SRSF11: variants seen among roughly 807,000 people sequenced by gnomAD.
SRSF11 encodes the protein serine/arginine-rich splicing factor 11.
Under a neutral mutation model 56.0 loss-of-function variants are expected in SRSF11, and 9 were observed. That is an observed-to-expected ratio of 0.16 (90% CI 0.10 to 0.28). The LOEUF is 0.28. SRSF11 is among the 10% of genes least tolerant of loss of function. The probability of loss-of-function intolerance (pLI) is 1.00; values close to 1 mark genes in which losing one functional copy is unlikely to be tolerated. For synonymous variants in SRSF11, 222 were observed against 215.3 expected, an observed-to-expected ratio of 1.03 and a Z score of -0.27; for missense variants, 421 against 600.7, an observed-to-expected ratio of 0.70 and a Z score of 3.13.
At chr1:70,229,285 C>T in intron 2 of SRSF11, 1 of 1,288,368 alleles carries the variant, frequency 7.8e-7, no homozygotes, top group Non-Finnish European at 1.0e-6. Flanking sequence ...GGATTCTAGA[C>T]ATTAACTAAA....
chr1:70,212,044 A>C (rs1669602499), intron 1 of SRSF11, among the ~76,000 whole-genome samples: 1 of 152,252 alleles, frequency 6.6e-6, no homozygotes, highest in Admixed American at 6.5e-5. Context: ...AACTAACAAC[A>C]GTTTATTGTT....
At chr1:70,250,583 A>G (rs375934372) in intron 11 of SRSF11, 25 bp from the exon 12 acceptor site, 1 of 1,610,250 alleles carries the variant, frequency 6.2e-7, no homozygotes, top group South Asian at 1.1e-5. Context: ...GGAGAAGTTT[A>G]CTTTTATTAT....
In SRSF11 at chr1:70,234,771, G is replaced by A; in HGVS notation, c.523G>A (p.Ala175Thr). ...PALAALGLPG[A>T]NLNSQSLAAD... The stretch of plus-strand genomic sequence containing the variant: ...CCTTGCTGCACTTGGGCTTCCTGGA[G>A]CAAACTTGAACTCTCAGGTATACCT... Residue 175 changes from alanine to threonine, a missense_variant, in exon 4 of 12, where the codon GCA becomes ACA. Physicochemically the swap from Ala to Thr is moderately conservative, Grantham distance 58. Transcript: ENST00000370949. 2 of 1,609,794 alleles carry A rather than the reference G, an allele frequency of 1.2e-6. No individual in the cohort carries two copies. Among genetic ancestry groups the A allele is most frequent in the Non-Finnish European group, 1.7e-6 (2 of 1,177,790 alleles).
Position 70,234,786 on chromosome 1 carries a change from C to G in SRSF11, c.538C>G (p.Gln180Glu). ...LGLPGANLNS[Q>E]SLAADQLLKL... is the part of the protein sequence containing the mutation. Reference sequence around the variant, plus strand: ...GCTTCCTGGAGCAAACTTGAACTCTCAGGTATACCTTAGTAACTTCAAATT... The same window carrying G: ...GCTTCCTGGAGCAAACTTGAACTCTGAGGTATACCTTAGTAACTTCAAATT... Residue 180 changes from glutamine (Q) to glutamate (E), a missense_variant and splice_region_variant, in exon 4 of 12, where the codon CAG (glutamine) becomes GAG (glutamate). Gln to Glu is a conservative substitution (Grantham distance 29). Around this residue, in one of 2 missense-constraint regions of SRSF11, gnomAD observed 168 missense variants for 294.9 expected, o/e 0.57. Transcript: ENST00000370949. 1 of 1,600,760 alleles carries G rather than the reference C, an allele frequency of 6.2e-7. No homozygotes were observed. The highest frequency in any genetic ancestry group is 8.5e-7 in the Non-Finnish European group (1 of 1,173,892).
chr1:70,229,161 C>G (rs906734932), intron 2 of SRSF11: 1 of 1,280,624 alleles, frequency 7.8e-7, no homozygotes, highest in Non-Finnish European at 1.0e-6. Flanking sequence ...TAGAATATCT[C>G]TAAATAATAA....
intron 3 of SRSF11, among the ~76,000 whole-genome samples, chr1:70,234,156 C>T (rs1673438335): frequency 6.6e-6 from 1 of 152,134 alleles, no homozygotes; most frequent in Non-Finnish European, 1.5e-5. Context: ...CAGGAATAAT[C>T]AGAAAGGGGA....
At chr1:70,225,308 G>C (rs773364341) in intron 1 of SRSF11, among the ~76,000 whole-genome samples, 1 of 152,162 alleles carries the variant, frequency 6.6e-6, no homozygotes, top group Admixed American at 6.5e-5. Flanking sequence ...TTAGGTAAGG[G>C]AAAGAGTTTA....
At chr1:70,229,390 ATTTG>A in intron 2 of SRSF11, 1 of 1,088,414 alleles carries the variant, frequency 9.2e-7, no homozygotes. Context: ...TGTTAAAGTA[ATTTG>A]ACAGAAAAAA....
In SRSF11 at chr1:70,226,125, A is replaced by AGGTTGC. The variant is rs542705160; in HGVS notation, c.204-2293_204-2288dup. Reference sequence around the variant, plus strand: ...AGAATCGCTTGAACCTGGGAGGTGGAGGTTGCGGTGAGCCGAGATCGTGCC... The same window carrying AGGTTGC: ...AGAATCGCTTGAACCTGGGAGGTGGAGGTTGCGGTTGCGGTGAGCCGAGATCGTGCC... On this transcript the variant is annotated intron_variant, in intron 1 of 11. Coordinates refer to ENST00000370949, the MANE Select transcript of SRSF11 (RefSeq NM_001350605.2). Among the ~76,000 whole-genome samples the AGGTTGC allele has an allele frequency of 4.4e-3, 668 of 151,852 alleles. 4 individuals carry two copies. Among genetic ancestry groups the AGGTTGC allele is most frequent in the African/African-American group, 0.016 (654 of 41,366 alleles).
Position 70,239,540 on chromosome 1 carries a change from A to G in SRSF11, c.800+20A>G. 2 of 1,521,440 alleles carry G rather than the reference A, an allele frequency of 1.3e-6. No individual in the cohort carries two copies. Among genetic ancestry groups the G allele is most frequent in the Non-Finnish European group, 1.8e-6 (2 of 1,119,134 alleles). The allele number at this position is 1,521,440 out of a possible 1,614,324, so 94.2% of individuals were successfully genotyped here. A position where few individuals can be genotyped will look rare whatever the true frequency, so the allele number is the denominator to read the frequency against. On this transcript the variant is annotated intron_variant, in intron 7 of 11. Transcript: ENST00000370949. ...ACACAGGTTAGATTGCTTTTTAGTC[A>G]ATTATACCTTAGACAAAGATAATTT...
At chr1:70,246,370 A>G (rs1676766350) in intron 8 of SRSF11, among the ~76,000 whole-genome samples, 1 of 152,122 alleles carries the variant, frequency 6.6e-6, no homozygotes, top group Non-Finnish European at 1.5e-5. Context: ...TTGATCCATG[A>G]TAGAGGTTGA....
intron 1 of SRSF11, among the ~76,000 whole-genome samples, chr1:70,226,047 C>T (rs908599461): frequency 1.3e-5 from 2 of 151,838 alleles, no homozygotes; most frequent in Non-Finnish European, 2.9e-5. Flanking sequence ...AAAAATTAGC[C>T]GGACGTGGTG....
chr1:70,228,611 G>T (rs1419128234), intron 2 of SRSF11, 56 bp downstream of exon 2: 1 of 1,577,742 alleles, frequency 6.3e-7, no homozygotes, highest in African/African-American at 1.4e-5. Context: ...ATCTACCTCA[G>T]TAGATGTAGA....
intron 7 of SRSF11, among the ~76,000 whole-genome samples, chr1:70,240,149 A>G (rs771738999): frequency 1.8e-4 from 27 of 152,254 alleles, no homozygotes; most frequent in Admixed American, 4.6e-4. Flanking sequence ...CTTCATAAGC[A>G]TCAGAAGTGA....
Position 70,221,520 on chromosome 1 carries a change from A to G in SRSF11, c.-117A>G, listed in dbSNP as rs1018194049. On this transcript the variant is annotated 5_prime_UTR_variant, in exon 1 of 12. Transcript: ENST00000370949. ...GCGGCGGCATCGGCAGCAGTAGCAG[A>G]GGCTGTAGCATCGGACACCCTCCTC... 1 of 1,336,860 alleles carries G rather than the reference A, an allele frequency of 7.5e-7. No individual in the cohort carries two copies. The highest frequency in any genetic ancestry group is 1.0e-6 in the Non-Finnish European group (1 of 986,188). The allele number at this position is 1,336,860 out of a possible 1,614,324, so 82.8% of individuals were successfully genotyped here. A position where few individuals can be genotyped will look rare whatever the true frequency, so the allele number is the denominator to read the frequency against.
chr1:70,240,601 C>T (rs1196243351), intron 7 of SRSF11, among the ~76,000 whole-genome samples: 1 of 151,968 alleles, frequency 6.6e-6, no homozygotes, highest in Non-Finnish European at 1.5e-5. Context: ...CTATTTCAGC[C>T]ATTCTTCGAT....
At chr1:70,217,688 T>C (rs538834651), upstream of SRSF11, among the ~76,000 whole-genome samples, 64 of 152,364 alleles carry the variant, frequency 4.2e-4, 1 homozygote, top group African/African-American at 1.5e-3. Context: ...ATATTTTCTA[T>C]AGTCTTGTTT....
intron 5 of SRSF11, among the ~76,000 whole-genome samples, chr1:70,236,462 C>G (rs1674064207): frequency 1.3e-5 from 2 of 151,680 alleles, no homozygotes; most frequent in South Asian, 4.2e-4. Context: ...TCCCAAGTAG[C>G]TGGGACTATG....
chr1:70,237,040 G>A (rs1270349036), intron 5 of SRSF11, among the ~76,000 whole-genome samples: 1 of 151,920 alleles, frequency 6.6e-6, no homozygotes, highest in Non-Finnish European at 1.5e-5. Context: ...ACCTGCCTTG[G>A]CCTCCCAAGG....
Sources: allele counts gnomAD v4.1 joint callset (sites outside exome capture counted in the v4.1 genomes callset), GRCh38; gene constraint gnomAD v4.1.1; regional missense constraint gnomAD v4.1.1; transcripts MANE v1.5; gene names NCBI Gene and HGNC (gene_info 2026-07-23, HGNC 2026-07-21).